FAM13C: variants seen among roughly 807,000 people sequenced by gnomAD.
FAM13C encodes family with sequence similarity 13 member C.
In FAM13C, 37 loss-of-function variants were observed where a neutral mutation model predicts 73.2. That is an observed-to-expected ratio of 0.51 (90% confidence interval 0.39 to 0.67). The LOEUF (loss-of-function observed/expected upper bound fraction) is 0.67, where lower values mean the gene tolerates loss of function less well. Among genes scored for constraint, FAM13C ranks in the 30% least tolerant of loss-of-function variants. The probability of loss-of-function intolerance (pLI) is 0.00; values close to 1 mark genes in which losing one functional copy is unlikely to be tolerated. For missense variants in FAM13C, 589 were observed against 715.6 expected, an observed-to-expected ratio of 0.82 and a Z score of 2.02; for synonymous variants, 246 against 260.9, an observed-to-expected ratio of 0.94 and a Z score of 0.55.
At chr10:59,251,731 T>C (rs1477373834) in intron 12 of FAM13C, 55 bp from the exon 13 acceptor site, 8 of 1,326,892 alleles carry the variant, frequency 6.0e-6, no homozygotes, top group Non-Finnish European at 8.3e-6. Flanking sequence ...TGAGAGATCA[T>C]CATGAGCAGA....
chr10:59,292,095 TC>T (rs1471497135), intron 5 of FAM13C, among the ~76,000 whole-genome samples: 1 of 152,154 alleles, frequency 6.6e-6, no homozygotes, highest in African/African-American at 2.4e-5. Context: ...ACCTATAAAC[TC>T]CCAATTTAAA....
chr10:59,333,957 A>G (rs1408942344), intron 3 of FAM13C, among the ~76,000 whole-genome samples: 2 of 152,240 alleles, frequency 1.3e-5, no homozygotes, highest in African/African-American at 4.8e-5. Flanking sequence ...AAAATGTGGA[A>G]CAGTTAACAA....
Position 59,343,949 on chromosome 10 carries a change from CT to C in FAM13C, c.324+8320del, listed in dbSNP as rs541994046. ...CTATAAAATACTCTATAAACTATTT[CT>C]TTTTTTTTTTCTTTTTTCTTTTTTT... On this transcript the variant is annotated intron_variant, in intron 3 of 13. Transcript: ENST00000618804. Among the ~76,000 whole-genome samples the C allele has an allele frequency of 2.4e-3, 351 of 145,180 alleles. 1 individual carries two copies. Among genetic ancestry groups the C allele is most frequent in the African/African-American group, 6.9e-3 (272 of 39,476 alleles).
intron 3 of FAM13C, among the ~76,000 whole-genome samples, chr10:59,330,679 C>T (rs1004444808): frequency 1.3e-5 from 2 of 152,164 alleles, no homozygotes; most frequent in South Asian, 2.1e-4. Flanking sequence ...CTAGCTACCC[C>T]TCTCTAGGAA....
At chr10:59,324,360 A>G (rs1850794780) in intron 3 of FAM13C, among the ~76,000 whole-genome samples, 1 of 152,236 alleles carries the variant, frequency 6.6e-6, no homozygotes, top group African/African-American at 2.4e-5. Flanking sequence ...GTATAGCCAT[A>G]TAACAAGAAT....
rs1485180102 is a variant in FAM13C, at chr10:59,247,366, G to A, written c.*248C>T. 3 of 467,322 alleles carry A rather than the reference G, an allele frequency of 6.4e-6. No homozygotes were observed. Among genetic ancestry groups the A allele is most frequent in the Non-Finnish European group, 1.1e-5 (3 of 265,640 alleles). The allele number at this position is 467,322 out of a possible 1,614,324, so 28.9% of individuals were successfully genotyped here. A position where few individuals can be genotyped will look rare whatever the true frequency, so the allele number is the denominator to read the frequency against. ...TTAAAAATACTTGTATTGACTATGA[G>A]TTTTCTGCTTGGCATGGAGGACACT... is the stretch of plus-strand genomic sequence containing the variant. On this transcript the variant is annotated 3_prime_UTR_variant, in exon 14 of 14. Coordinates refer to ENST00000618804, the MANE Select transcript of FAM13C (RefSeq NM_198215.4).
intron 8 of FAM13C, among the ~76,000 whole-genome samples, chr10:59,265,108 A>C (rs1006893326): frequency 2.6e-5 from 4 of 151,942 alleles, no homozygotes; most frequent in Admixed American, 2.6e-4. Flanking sequence ...AAAGGAAAAA[A>C]CTACTGTGTG....
rs186377891 is a variant in FAM13C, at chr10:59,249,274, T to G, written c.1635-1537A>C. Among the ~76,000 whole-genome samples, 660 of 150,910 alleles carry G rather than the reference T, an allele frequency of 4.4e-3. 6 individuals carry two copies. Among genetic ancestry groups the G allele is most frequent in the African/African-American group, 0.012 (500 of 41,238 alleles). On this transcript the variant is annotated intron_variant, in intron 13 of 13. Coordinates refer to ENST00000618804, the MANE Select transcript of FAM13C (RefSeq NM_198215.4). ...AAAAACTTAGCCACGCGTGGTGGCG[T>G]ACGCCTGTAGTCCCAGCTACTTGGG...
chr10:59,288,697 G>C (rs1404973932), intron 5 of FAM13C, among the ~76,000 whole-genome samples: 1 of 152,102 alleles, frequency 6.6e-6, no homozygotes, highest in African/African-American at 2.4e-5. Flanking sequence ...AAAAGATGAA[G>C]GTCTGGAGAA....
chr10:59,324,779 A>G (rs1257636648), intron 3 of FAM13C, among the ~76,000 whole-genome samples: 1 of 151,952 alleles, frequency 6.6e-6, no homozygotes, highest in East Asian at 1.9e-4. Context: ...ATACACACAC[A>G]CTATTGCCAT....
At chr10:59,249,032 T>C (rs114337097) in intron 13 of FAM13C, among the ~76,000 whole-genome samples, 1,857 of 152,228 alleles carry the variant, frequency 0.012, 12 homozygotes, top group African/African-American at 0.023. Flanking sequence ...AGTAAAGAAA[T>C]TGTCTAATTA....
chr10:59,317,671 G>A (rs1444659213), intron 4 of FAM13C, among the ~76,000 whole-genome samples: 1 of 151,948 alleles, frequency 6.6e-6, no homozygotes, highest in Admixed American at 6.6e-5. Context: ...CATGATTATT[G>A]TATAATCATA....
chr10:59,362,577 T>TTGGGC, upstream of FAM13C: 1 of 1,538,560 alleles, frequency 6.5e-7, no homozygotes, highest in Non-Finnish European at 8.8e-7. Flanking sequence ...TCGCTCTACC[T>TTGGGC]TGGGCTGCTG....
In FAM13C at chr10:59,246,814, G is replaced by GAT; in HGVS notation, c.*798_*799dup. 1 of 388,976 alleles carries GAT rather than the reference G, an allele frequency of 2.6e-6. No homozygotes were observed. Among genetic ancestry groups the GAT allele is most frequent in the East Asian group, 3.7e-5 (1 of 27,380 alleles). 24.1% of individuals were successfully genotyped at this position (388,976 alleles called of 1,614,324 possible). A position where few individuals can be genotyped will look rare whatever the true frequency, so the allele number is the denominator to read the frequency against. Reference sequence around the variant, plus strand: ...TATATCATCTTATAGTAAACCAAAAGATTAGCAATAATACTATGGACACAT... The same window carrying GAT: ...TATATCATCTTATAGTAAACCAAAAGATATTAGCAATAATACTATGGACACAT... On this transcript the variant is annotated 3_prime_UTR_variant, in exon 14 of 14. Transcript: ENST00000618804.
intron 3 of FAM13C, among the ~76,000 whole-genome samples, chr10:59,350,868 C>T (rs546533470): frequency 6.6e-6 from 1 of 152,244 alleles, no homozygotes; most frequent in South Asian, 2.1e-4. Context: ...ACACTTAAAG[C>T]CTCCCACATT....
chr10:59,307,740 A>G (rs1008342138), intron 4 of FAM13C, among the ~76,000 whole-genome samples: 3 of 152,214 alleles, frequency 2.0e-5, no homozygotes, highest in Non-Finnish European at 4.4e-5. Context: ...GGAGAAAAAG[A>G]AAGCAAGGCA....
chr10:59,266,875 A>C (rs1843126419), intron 8 of FAM13C, among the ~76,000 whole-genome samples: 2 of 152,242 alleles, frequency 1.3e-5, no homozygotes, highest in African/African-American at 2.4e-5. Flanking sequence ...GCCATGGAGT[A>C]GCCTATTTAA....
intron 4 of FAM13C, among the ~76,000 whole-genome samples, chr10:59,308,412 C>T (rs570213365): frequency 6.6e-6 from 1 of 151,864 alleles, no homozygotes; most frequent in South Asian, 2.1e-4. Flanking sequence ...CCACCACAAC[C>T]ACTGCCATCA....
At chr10:59,281,964 G>A (rs1388287086) in intron 6 of FAM13C, among the ~76,000 whole-genome samples, 3 of 152,170 alleles carry the variant, frequency 2.0e-5, no homozygotes, top group Non-Finnish European at 4.4e-5. Context: ...GTGGAATCTG[G>A]TGTTGAGGGA....
Sources: allele counts gnomAD v4.1 joint callset (sites outside exome capture counted in the v4.1 genomes callset), GRCh38; gene constraint gnomAD v4.1.1; transcripts MANE v1.5; gene names NCBI Gene and HGNC (gene_info 2026-07-23, HGNC 2026-07-21).